The following LRRC4C variants were observed in gnomAD, a reference collection of about 807,000 sequenced individuals.
LRRC4C encodes the protein leucine rich repeat containing 4C, also known as leucine-rich repeat-containing protein 4C.
In LRRC4C, 5 loss-of-function variants were observed where a neutral mutation model predicts 33.6. That is an observed-to-expected ratio of 0.15 (90% CI 0.08 to 0.31). The LOEUF (loss-of-function observed/expected upper bound fraction) is 0.31, where lower values mean the gene tolerates loss of function less well. Among genes scored for constraint, LRRC4C ranks in the 10% least tolerant of loss-of-function variants. The pLI is 1.00. For missense variants in LRRC4C, 560 were observed against 796.7 expected, an observed-to-expected ratio of 0.70 and a Z score of 3.58; for synonymous variants, 329 against 302.0, an observed-to-expected ratio of 1.09 and a Z score of -0.93.
intron 5 of LRRC4C, among the ~76,000 whole-genome samples, chr11:40,225,424 C>T (rs1029161283): frequency 4.6e-5 from 7 of 152,130 alleles, no homozygotes; most frequent in South Asian, 2.1e-4. Context: ...CCTTTTCAAA[C>T]GGGCTTTTGC....
chr11:40,723,237 A>C (rs1354906464), intron 2 of LRRC4C, among the ~76,000 whole-genome samples: 3 of 152,058 alleles, frequency 2.0e-5, no homozygotes, highest in Non-Finnish European at 4.4e-5. Context: ...TCAACAGGGG[A>C]ATATGAAGAA....
chr11:40,699,555 T>C (rs1945761856), intron 2 of LRRC4C, among the ~76,000 whole-genome samples: 2 of 152,172 alleles, frequency 1.3e-5, no homozygotes, highest in African/African-American at 4.8e-5. Context: ...GACTCGACTT[T>C]AGATGAAGAG....
intron 1 of LRRC4C, among the ~76,000 whole-genome samples, chr11:41,394,180 A>C (rs1953714227): frequency 6.6e-6 from 1 of 151,944 alleles, no homozygotes; most frequent in South Asian, 2.1e-4. Flanking sequence ...AGTTCATAAT[A>C]GTGGCTATTG....
chr11:41,213,061 A>G (rs1206579085), intron 1 of LRRC4C, among the ~76,000 whole-genome samples: 1 of 152,228 alleles, frequency 6.6e-6, no homozygotes, highest in Non-Finnish European at 1.5e-5. Flanking sequence ...GGAGGATTAA[A>G]TATGCTAACA....
intron 2 of LRRC4C, among the ~76,000 whole-genome samples, chr11:40,859,283 A>G (rs956117527): frequency 1.3e-5 from 2 of 152,150 alleles, no homozygotes; most frequent in African/African-American, 4.8e-5. Context: ...GATAATGTAT[A>G]CTTTCAGTTT....
chr11:41,396,827 TA>T (rs1245091153), intron 1 of LRRC4C, among the ~76,000 whole-genome samples: 3 of 151,620 alleles, frequency 2.0e-5, no homozygotes, highest in African/African-American at 7.3e-5. Flanking sequence ...TGCAGCAAAA[TA>T]AAAAACTGAC....
chr11:40,118,027 A>G (rs1383070225), intron 6 of LRRC4C, among the ~76,000 whole-genome samples: 3 of 148,984 alleles, frequency 2.0e-5, no homozygotes, highest in African/African-American at 4.9e-5. Context: ...TATTAATTTC[A>G]TTATAAATAC....
chr11:41,160,947 C>T (rs1462269730), intron 1 of LRRC4C, among the ~76,000 whole-genome samples: 1 of 152,116 alleles, frequency 6.6e-6, no homozygotes. Flanking sequence ...AAAAGAATTA[C>T]AAGCATATTT....
At chr11:41,212,916 T>C (rs935177750) in intron 1 of LRRC4C, among the ~76,000 whole-genome samples, 7 of 152,194 alleles carry the variant, frequency 4.6e-5, no homozygotes, top group Non-Finnish European at 7.3e-5. Context: ...ATGGCTAAGG[T>C]AAATCGTAAA....
At chr11:41,033,753 C>T (rs190348832) in intron 1 of LRRC4C, among the ~76,000 whole-genome samples, 86 of 152,044 alleles carry the variant, frequency 5.7e-4, no homozygotes, top group African/African-American at 2.0e-3. Flanking sequence ...GTACCAATAT[C>T]CCACATTAAA....
At chr11:41,133,354 T>C (rs977756082) in intron 1 of LRRC4C, among the ~76,000 whole-genome samples, 4 of 152,042 alleles carry the variant, frequency 2.6e-5, no homozygotes, top group African/African-American at 9.7e-5. Flanking sequence ...GGAGAGCAAA[T>C]AGATAAAGGA....
At chr11:41,179,721 A>C (rs1304464954) in intron 1 of LRRC4C, among the ~76,000 whole-genome samples, 2 of 152,248 alleles carry the variant, frequency 1.3e-5, no homozygotes, top group Admixed American at 1.3e-4. Context: ...ACAACACAGA[A>C]TATAAACTTC....
intron 1 of LRRC4C, among the ~76,000 whole-genome samples, chr11:41,450,217 C>T (rs1282057627): frequency 6.6e-6 from 1 of 152,002 alleles, no homozygotes; most frequent in African/African-American, 2.4e-5. Flanking sequence ...ACCATCTGTA[C>T]AAGGCACTGG....
At chr11:40,145,569 C>T (rs1857669387) in intron 5 of LRRC4C, among the ~76,000 whole-genome samples, 2 of 152,130 alleles carry the variant, frequency 1.3e-5, no homozygotes, top group Admixed American at 6.6e-5. Flanking sequence ...CTATTGATTA[C>T]CTATACCAGG....
At chr11:40,398,762 TA>T (rs1390075189) in intron 3 of LRRC4C, among the ~76,000 whole-genome samples, 1 of 151,998 alleles carries the variant, frequency 6.6e-6, no homozygotes. Flanking sequence ...ATCACACTAT[TA>T]AAAGTTAATG....
intron 2 of LRRC4C, among the ~76,000 whole-genome samples, chr11:40,883,592 T>G (rs1431118062): frequency 6.6e-6 from 1 of 152,074 alleles, no homozygotes; most frequent in Non-Finnish European, 1.5e-5. Context: ...GACAACTTAT[T>G]CTGAGTTATG....
chr11:40,234,034 T>C (rs1347644816), intron 5 of LRRC4C, among the ~76,000 whole-genome samples: 1 of 152,148 alleles, frequency 6.6e-6, no homozygotes, highest in Admixed American at 6.5e-5. Flanking sequence ...CACAGAGGGT[T>C]CTAAGGTACT....
At chr11:40,686,260 A>T (rs1291330430) in intron 2 of LRRC4C, among the ~76,000 whole-genome samples, 1 of 152,104 alleles carries the variant, frequency 6.6e-6, no homozygotes, top group Non-Finnish European at 1.5e-5. Flanking sequence ...CTATCTTGAT[A>T]CATGTTTGCT....
At chr11:40,944,653 T>G (rs889479651) in intron 1 of LRRC4C, among the ~76,000 whole-genome samples, 1 of 152,156 alleles carries the variant, frequency 6.6e-6, no homozygotes, top group African/African-American at 2.4e-5. Context: ...GAGGGAGGAT[T>G]AGAAACAGTA....
Sources: gnomAD v4.1 joint callset for allele counts (sites outside exome capture counted in the v4.1 genomes callset) on GRCh38, gnomAD v4.1.1 for gene constraint, MANE v1.5 for transcripts, NCBI Gene and HGNC (gene_info 2026-07-23, HGNC 2026-07-21) for gene names.